Variants in DPP6 observed in about 807,000 individuals in gnomAD.
DPP6 encodes the protein dipeptidyl peptidase like 6.
DPP6 carries 69 observed loss-of-function variants against 122.6 expected under a neutral mutation model. The ratio of observed to expected loss-of-function variants is 0.56; its 90% CI spans 0.46 to 0.69. The LOEUF (loss-of-function observed/expected upper bound fraction) is 0.69, where lower values mean the gene tolerates loss of function less well. Among genes scored for constraint, DPP6 ranks in the 30% least tolerant of loss-of-function variants. DPP6 has a pLI of 0.00. For synonymous variants in DPP6, 418 were observed against 433.1 expected, an observed-to-expected ratio of 0.97 and a Z score of 0.43; for missense variants, 928 against 1,116.9, an observed-to-expected ratio of 0.83 and a Z score of 2.41.
chr7:154,761,610 G>A lies in DPP6; in HGVS notation c.884-7807G>A, dbSNP rs192590423. On this transcript the variant is annotated intron_variant, in intron 8 of 25. Transcript: ENST00000377770. The stretch of plus-strand genomic sequence containing the variant: ...GAGGCCTCAGGAAGCTTCCAGTCAC[G>A]GCAGAAGGCCAATGGGGAGCAGGTG... Among the ~76,000 whole-genome samples the A allele has an allele frequency of 4.6e-5, 7 of 152,342 alleles. 1 individual carries two copies. The highest frequency in any genetic ancestry group is 1.9e-4 in the East Asian group (1 of 5,190).
intron 1 of DPP6, among the ~76,000 whole-genome samples, chr7:154,096,768 GTC>G (rs1394273381): frequency 6.6e-6 from 1 of 152,090 alleles, no homozygotes; most frequent in Non-Finnish European, 1.5e-5. Flanking sequence ...TAGATTTGCT[GTC>G]TCTGTGTGTG....
At chr7:153,880,244 A>G in the DPP6 span, among the ~76,000 whole-genome samples, 1 of 152,170 alleles carries the variant, frequency 6.6e-6, no homozygotes, top group Admixed American at 6.5e-5. Flanking sequence ...GTGTTTGACC[A>G]TTGCTCTTCT....
the DPP6 span, among the ~76,000 whole-genome samples, chr7:153,791,611 G>T: frequency 8.6e-5 from 13 of 151,736 alleles, no homozygotes; most frequent in Non-Finnish European, 1.8e-4. Flanking sequence ...GTAGAGACCC[G>T]GTTTCACCAT....
At chr7:153,902,346 G>C (rs1799672065) in intron 1 of DPP6, among the ~76,000 whole-genome samples, 1 of 152,204 alleles carries the variant, frequency 6.6e-6, no homozygotes, top group Non-Finnish European at 1.5e-5. Flanking sequence ...CATGATAGAA[G>C]GTAGTTTTGC....
intron 1 of DPP6, among the ~76,000 whole-genome samples, chr7:154,366,346 A>G (rs1410466925): frequency 6.6e-6 from 1 of 152,118 alleles, no homozygotes; most frequent in Non-Finnish European, 1.5e-5. Context: ...TCTACAACCA[A>G]ATACCCCTCC....
At position 154,833,665 on chromosome 7, in the gene DPP6, T is replaced by G. The variant is rs2150528486; in HGVS notation, c.1667-20115T>G. Among the ~76,000 whole-genome samples the G allele has an allele frequency of 6.6e-6, 1 of 152,240 alleles. No individual in the cohort carries two copies. The highest frequency in any genetic ancestry group is 2.1e-4 in the South Asian group (1 of 4,816). ...GCTCTGGTCATTTGCACCAATTTCC[T>G]GTCATATGGGGAGAATTCACCTCTT... On this transcript the variant is annotated intron_variant, in intron 16 of 25. Coordinates refer to ENST00000377770, the MANE Select transcript of DPP6 (RefSeq NM_130797.4). The surrounding 1 kb of genome is among the most constrained non-coding windows in gnomAD (Gnocchi z 4.3).
intron 1 of DPP6, among the ~76,000 whole-genome samples, chr7:154,423,011 C>T (rs1047047288): frequency 2.0e-5 from 3 of 152,088 alleles, no homozygotes; most frequent in South Asian, 2.1e-4. Flanking sequence ...TGATGGTTCT[C>T]GGCTTGTTGA....
chr7:154,676,429 G>A (rs1272377711), intron 7 of DPP6, among the ~76,000 whole-genome samples: 3 of 117,264 alleles, frequency 2.6e-5, no homozygotes, highest in African/African-American at 8.1e-5. Context: ...CTGTCTGGAG[G>A]TCCAGCTGCC....
chr7:154,241,868 C>T lies in DPP6; in HGVS notation c.243+188805C>T, dbSNP rs1801642537. On this transcript the variant is annotated intron_variant, in intron 1 of 25. Coordinates refer to ENST00000377770, the MANE Select transcript of DPP6 (RefSeq NM_130797.4). The surrounding 1 kb of genome is among the most constrained non-coding windows in gnomAD (Gnocchi z 9.0). ...CCCTGTGTCATCTCTGCTTTTCCAC[C>T]CACCCCTACCCCAACACTCATCCTA... Among the ~76,000 whole-genome samples the T allele has an allele frequency of 6.6e-6, 1 of 152,134 alleles. No individual in the cohort carries two copies. Among genetic ancestry groups the T allele is most frequent in the Admixed American group, 6.5e-5 (1 of 15,270 alleles).
At chr7:154,014,421 GA>G (rs1798301262) in intron 1 of DPP6, among the ~76,000 whole-genome samples, 1 of 150,230 alleles carries the variant, frequency 6.7e-6, no homozygotes, top group Non-Finnish European at 1.5e-5. Context: ...TTGGGAGGCT[GA>G]GGCAGGTGGA....
intron 5 of DPP6, among the ~76,000 whole-genome samples, chr7:154,573,009 A>G (rs1252747165): frequency 6.6e-6 from 1 of 152,112 alleles, no homozygotes; most frequent in Non-Finnish European, 1.5e-5. Context: ...TCTTTGTTGC[A>G]AGAAATATAG....
Position 154,282,551 on chromosome 7 carries a change from A to G in DPP6, c.244-163663A>G, listed in dbSNP as rs531286738. 2.6e-5 allele frequency among the ~76,000 whole-genome samples: 4 copies of G among 152,272 alleles called. No individual in the cohort carries two copies. In the East Asian group the frequency reaches 7.7e-4, roughly 29 times the overall value. On this transcript the variant is annotated intron_variant, in intron 1 of 25. Coordinates refer to ENST00000377770, the MANE Select transcript of DPP6 (RefSeq NM_130797.4). The surrounding 1 kb of genome is among the most constrained non-coding windows in gnomAD (Gnocchi z 4.8). ...GGGCACAGGTCTTCTGTTAGACTCA[A>G]TGGTGGGAAGGGGATGGGATGCAGC...
chr7:154,869,027 C>T (rs1479679422), intron 18 of DPP6, among the ~76,000 whole-genome samples: 3 of 152,310 alleles, frequency 2.0e-5, no homozygotes, highest in East Asian at 1.9e-4. Flanking sequence ...GTGCAAACTC[C>T]GACTGACTGA....
intron 5 of DPP6, among the ~76,000 whole-genome samples, chr7:154,621,859 G>T (rs1834704590): frequency 6.6e-6 from 1 of 152,044 alleles, no homozygotes; most frequent in South Asian, 2.1e-4. Flanking sequence ...CCCAACACTG[G>T]CACATGAGTC....
intron 5 of DPP6, among the ~76,000 whole-genome samples, chr7:154,592,828 T>A (rs1832884282): frequency 6.6e-6 from 1 of 152,190 alleles, no homozygotes; most frequent in South Asian, 2.1e-4. Flanking sequence ...ACAGCCACTT[T>A]TTCCCCAGCT....
the DPP6 span, among the ~76,000 whole-genome samples, chr7:153,791,239 T>C: frequency 6.6e-6 from 1 of 152,140 alleles, no homozygotes; most frequent in Non-Finnish European, 1.5e-5. Context: ...TTATTAGTGT[T>C]CCACCTGAGA....
At chr7:154,059,846 G>A (rs867633245) in intron 1 of DPP6, among the ~76,000 whole-genome samples, 1 of 149,680 alleles carries the variant, frequency 6.7e-6, no homozygotes, top group Admixed American at 6.6e-5. Context: ...AGACAGGGTT[G>A]CTAAAGGATG....
intron 1 of DPP6, among the ~76,000 whole-genome samples, chr7:153,980,568 T>C (rs1236882853): frequency 1.3e-5 from 2 of 152,228 alleles, no homozygotes; most frequent in African/African-American, 4.8e-5. Flanking sequence ...CTGATCTTAA[T>C]TATTTACTGT....
At position 154,877,405 on chromosome 7, in the gene DPP6, G is replaced by GCACACACA. The variant is rs3837065; in HGVS notation, c.2078+1325_2078+1332dup. Among the ~76,000 whole-genome samples, 1 of 149,788 alleles carries GCACACACA rather than the reference G, an allele frequency of 6.7e-6. No individual in the cohort carries two copies. Among genetic ancestry groups the GCACACACA allele is most frequent in the East Asian group, 2.0e-4 (1 of 5,032 alleles). On this transcript the variant is annotated intron_variant, in intron 20 of 25. Coordinates refer to ENST00000377770, the MANE Select transcript of DPP6 (RefSeq NM_130797.4). The surrounding 1 kb of genome is among the most constrained non-coding windows in gnomAD (Gnocchi z 5.2). ...TGACTACAACAACACATGTGTGCGT[G>GCACACACA]CACACACACACACACACACACACAC...
Sources: gnomAD v4.1 joint callset for allele counts (sites outside exome capture counted in the v4.1 genomes callset) on GRCh38, gnomAD v4.1.1 for gene constraint, Gnocchi (gnomAD v3.1) non-coding constraint, MANE v1.5 for transcripts, NCBI Gene and HGNC (gene_info 2026-07-23, HGNC 2026-07-21) for gene names.